The following RAB38 variants were observed in gnomAD, a reference collection of about 807,000 sequenced individuals.
RAB38 encodes ras-related protein Rab-38.
Under a neutral mutation model 18.4 loss-of-function variants are expected in RAB38, and 15 were observed. The observed-to-expected ratio is 0.82, with a 90% confidence interval of 0.55 to 1.26. The LOEUF is 1.26. Ranked by LOEUF, RAB38 falls within the 50% of genes most tolerant of loss-of-function variation. The pLI is 0.00. For missense variants in RAB38, 294 were observed against 267.4 expected, an observed-to-expected ratio of 1.10 and a Z score of -0.69; for synonymous variants, 101 against 104.4, an observed-to-expected ratio of 0.97 and a Z score of 0.20.
Position 88,113,907 on chromosome 11 carries a change from G to A in RAB38, c.*81C>T, listed in dbSNP as rs1942510039. On this transcript the variant is annotated 3_prime_UTR_variant, in exon 3 of 3. Coordinates refer to ENST00000243662, the MANE Select transcript of RAB38 (RefSeq NM_022337.3). ...CCACATGTGGTATCTCTATCCTGAC[G>A]TTTACCCAAAATGGTAAAAATAGAG... is the stretch of plus-strand genomic sequence containing the variant. 19 of 1,548,734 alleles carry A rather than the reference G, an allele frequency of 1.2e-5. No homozygotes were observed. Among genetic ancestry groups the A allele is most frequent in the Middle Eastern group, 1.7e-4 (1 of 5,896 alleles).
At chr11:88,148,924 T>G (rs1011663103) in intron 2 of RAB38, among the ~76,000 whole-genome samples, 2 of 152,162 alleles carry the variant, frequency 1.3e-5, no homozygotes, top group African/African-American at 2.4e-5. Flanking sequence ...TGAAAGTATT[T>G]TTTTTTTCTC....
the RAB38 span, among the ~76,000 whole-genome samples, chr11:87,913,389 T>C: frequency 1.3e-5 from 2 of 152,158 alleles, no homozygotes; most frequent in African/African-American, 4.8e-5. Context: ...AGTTCTGTTA[T>C]TAGGTGTAGA....
At chr11:87,940,527 C>T in the RAB38 span, among the ~76,000 whole-genome samples, 2 of 151,732 alleles carry the variant, frequency 1.3e-5, no homozygotes, top group African/African-American at 4.8e-5. Context: ...ATGCTAAAAG[C>T]AAAAGAGTTC....
the RAB38 span, among the ~76,000 whole-genome samples, chr11:87,817,756 C>T: frequency 1.3e-5 from 2 of 152,188 alleles, no homozygotes; most frequent in African/African-American, 4.8e-5. Flanking sequence ...TGAAAAATTC[C>T]AGTAGTATCT....
chr11:87,937,310 TCATATATATATATA>T, the RAB38 span, among the ~76,000 whole-genome samples: 3 of 55,568 alleles, frequency 5.4e-5, no homozygotes, highest in African/African-American at 2.4e-4. Context: ...TACTTGGTCA[TCATATATATATATA>T]TATATATATA....
At chr11:88,022,741 T>C in the RAB38 span, among the ~76,000 whole-genome samples, 1 of 151,676 alleles carries the variant, frequency 6.6e-6, no homozygotes, top group Non-Finnish European at 1.5e-5. Flanking sequence ...TTTATAGCCA[T>C]ACAGTATTCC....
the RAB38 span, among the ~76,000 whole-genome samples, chr11:87,911,477 G>T: frequency 6.6e-6 from 1 of 151,986 alleles, no homozygotes; most frequent in African/African-American, 2.4e-5. Flanking sequence ...TATTTTATAA[G>T]ACTTGTACAT....
At chr11:88,169,777 GACA>G (rs1943286750) in intron 1 of RAB38, among the ~76,000 whole-genome samples, 1 of 152,160 alleles carries the variant, frequency 6.6e-6, no homozygotes, top group African/African-American at 2.4e-5. Context: ...ACGAGGTGTG[GACA>G]ACATCTCTGC....
the RAB38 span, among the ~76,000 whole-genome samples, chr11:88,089,767 G>A: frequency 6.6e-6 from 1 of 151,886 alleles, no homozygotes; most frequent in Admixed American, 6.6e-5. Context: ...CATAAAAAAC[G>A]GCACATGAAC....
the RAB38 span, among the ~76,000 whole-genome samples, chr11:87,849,198 G>A: frequency 3.9e-5 from 6 of 152,144 alleles, no homozygotes; most frequent in South Asian, 6.2e-4. Context: ...TGCTATAGCA[G>A]TAAGGGCACA....
chr11:87,836,477 C>T, the RAB38 span, among the ~76,000 whole-genome samples: 2 of 151,994 alleles, frequency 1.3e-5, no homozygotes, highest in African/African-American at 4.8e-5. Context: ...GTAGTCTACC[C>T]CATCCATTTT....
At chr11:87,812,439 G>A in the RAB38 span, among the ~76,000 whole-genome samples, 6,595 of 152,192 alleles carry the variant, frequency 0.043, 279 homozygotes, top group Admixed American at 0.13. Context: ...AACACATTCA[G>A]TTTCTAAGGC....
the RAB38 span, among the ~76,000 whole-genome samples, chr11:87,934,914 G>A: frequency 2.6e-5 from 4 of 152,208 alleles, no homozygotes; most frequent in African/African-American, 7.2e-5. Context: ...GGATAACAAA[G>A]AGAAGAGTTT....
At chr11:87,813,632 CCCCAG>C in the RAB38 span, among the ~76,000 whole-genome samples, 1 of 152,060 alleles carries the variant, frequency 6.6e-6, no homozygotes, top group Non-Finnish European at 1.5e-5. Flanking sequence ...GGGTATCTAA[CCCCAG>C]TTTGGGTCTT....
At chr11:88,140,450 T>C (rs35661420) in intron 2 of RAB38, among the ~76,000 whole-genome samples, 1,612 of 152,276 alleles carry the variant, frequency 0.011, 34 homozygotes, top group African/African-American at 0.037. Context: ...TTCTTTTCCA[T>C]CCAATAAACA....
At chr11:88,121,316 G>A (rs1942625602) in intron 2 of RAB38, among the ~76,000 whole-genome samples, 1 of 152,202 alleles carries the variant, frequency 6.6e-6, no homozygotes, top group African/African-American at 2.4e-5. Flanking sequence ...AATAGCTGAT[G>A]CCTATGGATA....
chr11:87,926,488 T>G, the RAB38 span, among the ~76,000 whole-genome samples: 1 of 150,528 alleles, frequency 6.6e-6, no homozygotes, highest in South Asian at 2.1e-4. Flanking sequence ...TTACTCTAAT[T>G]CTAAATAAGT....
the RAB38 span, among the ~76,000 whole-genome samples, chr11:87,886,357 G>A: frequency 6.6e-6 from 1 of 151,928 alleles, no homozygotes; most frequent in African/African-American, 2.4e-5. Flanking sequence ...GCAGGAGAGA[G>A]AGAGATCTAA....
the RAB38 span, among the ~76,000 whole-genome samples, chr11:87,919,725 G>A: frequency 3.2e-4 from 49 of 151,880 alleles, no homozygotes; most frequent in Non-Finnish European, 6.3e-4. Flanking sequence ...AAGCCATCTG[G>A]TCCTGAGATT....
Sources: gnomAD v4.1 joint callset for allele counts (sites outside exome capture counted in the v4.1 genomes callset) on GRCh38, gnomAD v4.1.1 for gene constraint, MANE v1.5 for transcripts, NCBI Gene and HGNC (gene_info 2026-07-23, HGNC 2026-07-21) for gene names.